SAXO1: variants seen among roughly 807,000 people sequenced by gnomAD.
The protein encoded by SAXO1 is stabilizer of axonemal microtubules 1.
A neutral mutation model predicts 17.5 loss-of-function variants in SAXO1; 21 were observed. That is an observed-to-expected ratio of 1.20 (90% CI 0.85 to 1.72). SAXO1 has a LOEUF of 1.72. SAXO1 is among the 40% of genes most tolerant of loss of function. The pLI is 0.00. For synonymous variants in SAXO1, 274 were observed against 216.5 expected (o/e 1.27, Z -2.33); for missense variants, 843 against 596.0 (o/e 1.41, Z -4.32).
At chr9:18,990,796 G>C (rs563779376) in intron 1 of SAXO1, among the ~76,000 whole-genome samples, 79 of 152,184 alleles carry the variant, frequency 5.2e-4, no homozygotes, top group Non-Finnish European at 1.0e-3. Context: ...AAGCGATCTA[G>C]GTTGTGTGCT....
intron 3 of SAXO1, among the ~76,000 whole-genome samples, chr9:18,933,603 T>C (rs1022939840): frequency 2.6e-5 from 4 of 152,212 alleles, no homozygotes; most frequent in Non-Finnish European, 5.9e-5. Flanking sequence ...TCCATCCTTA[T>C]CTGGGAATGT....
intron 1 of SAXO1, among the ~76,000 whole-genome samples, chr9:18,994,101 C>A (rs1022028680): frequency 2.0e-5 from 3 of 152,172 alleles, no homozygotes; most frequent in Non-Finnish European, 4.4e-5. Context: ...TTCAAATTTA[C>A]TGCACTAAAA....
At chr9:18,949,008 C>A (rs1210102349) in intron 2 of SAXO1, among the ~76,000 whole-genome samples, 1 of 152,146 alleles carries the variant, frequency 6.6e-6, no homozygotes, top group Non-Finnish European at 1.5e-5. Context: ...TTGGTGTTGA[C>A]CAGGGTTTCC....
intron 1 of SAXO1, among the ~76,000 whole-genome samples, chr9:18,974,637 A>G (rs1833064782): frequency 6.6e-6 from 1 of 152,264 alleles, no homozygotes; most frequent in African/African-American, 2.4e-5. Context: ...GAGTATTAAA[A>G]TAAATGATGA....
intron 3 of SAXO1, among the ~76,000 whole-genome samples, chr9:18,929,296 G>C (rs1210810242): frequency 6.6e-6 from 1 of 152,196 alleles, no homozygotes; most frequent in African/African-American, 2.4e-5. Flanking sequence ...ACTGCATGCA[G>C]GGATCTTAGA....
At chr9:18,938,830 G>GTGTGTGTGTGTT (rs60025974) in intron 3 of SAXO1, among the ~76,000 whole-genome samples, 9 of 147,766 alleles carry the variant, frequency 6.1e-5, no homozygotes, top group Admixed American at 2.7e-4. Context: ...GCGTGTGTGT[G>GTGTGTGTGTGTT]TGTGTGTGTG....
intron 1 of SAXO1, among the ~76,000 whole-genome samples, chr9:18,958,195 G>C (rs955259154): frequency 1.3e-5 from 2 of 152,090 alleles, no homozygotes; most frequent in African/African-American, 4.8e-5. Context: ...AGGCTGAGGT[G>C]GGTGAATCAT....
At position 18,941,750 on chromosome 9, in the gene SAXO1, G is replaced by T. The variant is rs116651834; in HGVS notation, c.308C>A (p.Thr103Lys). The T allele has an allele frequency of 9.4e-4, 1,522 of 1,614,134 alleles. 20 individuals carry two copies. In the African/African-American group the frequency reaches 0.018, roughly 19 times the overall value. The change falls in exon 3 of 4, where the codon ACG becomes AAG. Residue 103 changes from threonine (T) to lysine (K), a missense_variant. Coordinates refer to ENST00000380534, the MANE Select transcript of SAXO1 (RefSeq NM_153707.4). ...VPSEENMDLL[T>K]TYKKDYNPYP... ...GGGATTGTAATCTTTCTTATACGTC[G>T]TGAGCAAATCCATATTCTCTTCACT...
chr9:18,953,167 C>T (rs1423238022), intron 1 of SAXO1, among the ~76,000 whole-genome samples: 5 of 152,224 alleles, frequency 3.3e-5, no homozygotes, highest in Non-Finnish European at 7.3e-5. Context: ...TATTCACCCA[C>T]ATTCTAAAAG....
chr9:18,939,378 G>T (rs1831450581), intron 3 of SAXO1, among the ~76,000 whole-genome samples: 1 of 152,328 alleles, frequency 6.6e-6, no homozygotes, highest in African/African-American at 2.4e-5. Flanking sequence ...AATTGGGAAA[G>T]AAAAAGACAA....
At chr9:18,998,339 T>C (rs7045246) in intron 1 of SAXO1, among the ~76,000 whole-genome samples, 29 of 151,852 alleles carry the variant, frequency 1.9e-4, no homozygotes, top group Non-Finnish European at 4.4e-5. Flanking sequence ...AATAGCCAAT[T>C]TGATCAAGCA....
At chr9:18,950,265 A>G (rs1212353943) in intron 2 of SAXO1, among the ~76,000 whole-genome samples, 1 of 144,622 alleles carries the variant, frequency 6.9e-6, no homozygotes, top group African/African-American at 2.6e-5. Context: ...AAGAACATTC[A>G]GGAGAACCCC....
intron 1 of SAXO1, among the ~76,000 whole-genome samples, chr9:18,974,370 C>T (rs1410366928): frequency 6.6e-6 from 1 of 152,172 alleles, no homozygotes; most frequent in Non-Finnish European, 1.5e-5. Context: ...TATATGTGCA[C>T]ATTGATATGT....
In SAXO1 at chr9:19,041,587, T is replaced by C. The variant is rs1034780669; in HGVS notation, c.-158+7622A>G. Among the ~76,000 whole-genome samples, 5 of 152,168 alleles carry C rather than the reference T, an allele frequency of 3.3e-5. 1 individual carries two copies. The highest frequency in any genetic ancestry group is 1.3e-4 in the Admixed American group (2 of 15,272). ...TAACCAAAACAGCATGGTACTAGCA[T>C]AAAAACAGACACATAGACCAATAGA... On this transcript the variant is annotated intron_variant, in intron 1 of 3. Transcript: ENST00000542071.
intron 1 of SAXO1, among the ~76,000 whole-genome samples, chr9:18,990,321 A>G (rs982573481): frequency 1.3e-5 from 2 of 152,214 alleles, no homozygotes; most frequent in Admixed American, 1.3e-4. Context: ...AGAGCCAGTC[A>G]ACACACATTA....
intron 1 of SAXO1, among the ~76,000 whole-genome samples, chr9:18,960,199 A>G (rs1426592744): frequency 6.6e-6 from 1 of 152,198 alleles, no homozygotes; most frequent in Non-Finnish European, 1.5e-5. Context: ...TCAAGAAGGT[A>G]CAATTGGTGA....
At chr9:18,933,915 G>A (rs4977267) in intron 3 of SAXO1, among the ~76,000 whole-genome samples, 131,418 of 151,882 alleles carry the variant, frequency 0.87, 57,133 homozygotes, top group African/African-American at 0.93. Context: ...GCGTAGTGGC[G>A]GGCGCCTGTA....
chr9:18,943,955 C>T (rs1831687027), intron 2 of SAXO1, among the ~76,000 whole-genome samples: 1 of 152,214 alleles, frequency 6.6e-6, no homozygotes, highest in Non-Finnish European at 1.5e-5. Context: ...GCCGCAGAAA[C>T]CTCCCTTCAA....
rs1310151680 is a variant in SAXO1, at chr9:18,999,570, G to A, written c.38+33301C>T. Among the ~76,000 whole-genome samples, 7 of 143,266 alleles carry A rather than the reference G, an allele frequency of 4.9e-5. 2 individuals carry two copies. Among genetic ancestry groups the A allele is most frequent in the African/African-American group, 1.1e-4 (4 of 37,834 alleles). 94.0% of individuals were successfully genotyped at this position (143,266 alleles called of 152,430 possible). On this transcript the variant is annotated intron_variant, in intron 1 of 3. Coordinates refer to ENST00000380534, the MANE Select transcript of SAXO1 (RefSeq NM_153707.4). ...AAGTGAGGAGCGCCGCTGCCTGGCC[G>A]CCACACCATCTGGGAAGTGAGGAGC...
Sources: gnomAD v4.1 joint callset for allele counts (sites outside exome capture counted in the v4.1 genomes callset) on GRCh38, gnomAD v4.1.1 for gene constraint, MANE v1.5 for transcripts, NCBI Gene and HGNC (gene_info 2026-07-23, HGNC 2026-07-21) for gene names.